NEGR1: variants seen among roughly 807,000 people sequenced by gnomAD.
The protein encoded by NEGR1 is IgLON family member 4.
Under a neutral mutation model 40.9 loss-of-function variants are expected in NEGR1, and 10 were observed. The observed-to-expected ratio is 0.24, with a 90% CI of 0.15 to 0.42. NEGR1 has a LOEUF of 0.42. Ranked by LOEUF, NEGR1 falls within the 10% of genes least tolerant of loss-of-function variation. NEGR1 has a pLI of 1.00. For missense variants in NEGR1, 352 were observed against 438.9 expected, an observed-to-expected ratio of 0.80 and a Z score of 1.77; for synonymous variants, 185 against 166.8, an observed-to-expected ratio of 1.11 and a Z score of -0.84.
chr1:71,896,701 T>A (rs2101857309), intron 2 of NEGR1, among the ~76,000 whole-genome samples: 1 of 152,282 alleles, frequency 6.6e-6, no homozygotes. Context: ...TTTTTGATCA[T>A]TTTGAGTTAA....
At chr1:71,872,039 C>A (rs919037569) in intron 2 of NEGR1, among the ~76,000 whole-genome samples, 1 of 152,012 alleles carries the variant, frequency 6.6e-6, no homozygotes, top group Non-Finnish European at 1.5e-5. Flanking sequence ...AGTACTCTGG[C>A]CAGCTAAATA....
intron 4 of NEGR1, among the ~76,000 whole-genome samples, chr1:71,661,178 T>C (rs1181069213): frequency 6.6e-6 from 1 of 152,232 alleles, no homozygotes; most frequent in African/African-American, 2.4e-5. Flanking sequence ...CATGTGTCTT[T>C]ATAGTAGAAT....
intron 1 of NEGR1, among the ~76,000 whole-genome samples, chr1:72,243,944 T>G (rs1455071328): frequency 6.6e-6 from 1 of 151,814 alleles, no homozygotes; most frequent in Non-Finnish European, 1.5e-5. Flanking sequence ...ATTATTTTTG[T>G]TTTAGGTTAA....
At chr1:72,220,111 TCA>T (rs1653961443) in intron 1 of NEGR1, among the ~76,000 whole-genome samples, 2 of 151,982 alleles carry the variant, frequency 1.3e-5, no homozygotes, top group South Asian at 4.1e-4. Context: ...ACTAATAAAC[TCA>T]CATTATTTTA....
intron 6 of NEGR1, among the ~76,000 whole-genome samples, chr1:71,587,460 A>G (rs1172202758): frequency 7.2e-5 from 2 of 27,770 alleles, no homozygotes; most frequent in African/African-American, 9.0e-5. Flanking sequence ...CTCTGATATG[A>G]AAGGAGACAT....
chr1:71,662,718 G>A (rs1484924431), intron 4 of NEGR1, among the ~76,000 whole-genome samples: 1 of 151,034 alleles, frequency 6.6e-6, no homozygotes, highest in Non-Finnish European at 1.5e-5. Context: ...AAATAGAAAT[G>A]GAAATACACA....
At position 72,282,397 on chromosome 1, in the gene NEGR1, G is replaced by A; in HGVS notation, c.98C>T (p.Pro33Leu). The change falls in exon 1 of 7, where the codon CCG becomes CTG. Residue 33 changes from proline to leucine, a missense_variant. Physicochemically the swap from Pro to Leu is moderately conservative, Grantham distance 98 (BLOSUM62 -3). Transcript: ENST00000357731. The part of the protein sequence containing the change: ...SLCCLLPSCL[P>L]AGQSVDFPWA... ...GGGGAAGTCCACACTCTGTCCAGCCGGGAGGCAGGAGGGTAGCAGGCAGCA... is the reference window on the plus strand; with the variant it reads ...GGGGAAGTCCACACTCTGTCCAGCCAGGAGGCAGGAGGGTAGCAGGCAGCA... The A allele has an allele frequency of 6.2e-6, 10 of 1,613,910 alleles. No homozygotes were observed. Among genetic ancestry groups the A allele is most frequent in the Non-Finnish European group, 8.5e-6 (10 of 1,179,968 alleles).
At chr1:72,017,576 C>T (rs1228974122) in intron 1 of NEGR1, among the ~76,000 whole-genome samples, 1 of 151,982 alleles carries the variant, frequency 6.6e-6, no homozygotes, top group Non-Finnish European at 1.5e-5. Flanking sequence ...CCAGGATATC[C>T]CAGAGCTATC....
intron 1 of NEGR1, among the ~76,000 whole-genome samples, chr1:72,177,412 C>G (rs1652214157): frequency 6.6e-6 from 1 of 151,970 alleles, no homozygotes; most frequent in Admixed American, 6.6e-5. Flanking sequence ...CACAGTTTAA[C>G]CATTTTCCTA....
intron 6 of NEGR1, among the ~76,000 whole-genome samples, chr1:71,455,821 T>A (rs1569894153): frequency 6.6e-6 from 1 of 152,244 alleles, no homozygotes; most frequent in African/African-American, 2.4e-5. Flanking sequence ...GATTTATCAC[T>A]GTCTAATTAT....
Position 72,077,626 on chromosome 1 carries a change from C to CAATAAATA in NEGR1, c.177-142323_177-142316dup, listed in dbSNP as rs3080202. 4.5e-3 allele frequency among the ~76,000 whole-genome samples: 664 copies of CAATAAATA among 146,928 alleles called. 3 individuals carry two copies. Among genetic ancestry groups the CAATAAATA allele is most frequent in the East Asian group, 0.032 (155 of 4,842 alleles). The stretch of plus-strand genomic sequence containing the variant: ...GCAACACACTGAAACTCTGTCTCTA[C>CAATAAATA]AATAAATAAATAAATAAATAAATAA... On this transcript the variant is annotated intron_variant, in intron 1 of 6. Transcript: ENST00000357731.
chr1:71,555,893 C>T (rs747573322), intron 6 of NEGR1, among the ~76,000 whole-genome samples: 1 of 151,562 alleles, frequency 6.6e-6, no homozygotes, highest in South Asian at 2.1e-4. Context: ...GGAAGACGTA[C>T]TTGAGAATTT....
At chr1:72,190,321 T>A (rs1652775006) in intron 1 of NEGR1, among the ~76,000 whole-genome samples, 1 of 151,748 alleles carries the variant, frequency 6.6e-6, no homozygotes, top group Non-Finnish European at 1.5e-5. Context: ...TATGTTTACT[T>A]CTATAGAAAA....
Position 71,812,462 on chromosome 1 carries a change from G to C in NEGR1, c.410-36165C>G, listed in dbSNP as rs770993649. Among the ~76,000 whole-genome samples, 6 of 152,130 alleles carry C rather than the reference G, an allele frequency of 3.9e-5. No homozygotes were observed. The South Asian group carries it at 8.3e-4, about 21-fold the overall frequency. On this transcript the variant is annotated intron_variant, in intron 2 of 6. Coordinates refer to ENST00000357731, the MANE Select transcript of NEGR1 (RefSeq NM_173808.3). ...GGTATTTCTGGTTCTAGGTCTTTGA[G>C]AAATTGCCACACTGTCTTCCACAAT...
intron 5 of NEGR1, among the ~76,000 whole-genome samples, chr1:71,600,204 C>T (rs1323031451): frequency 6.6e-6 from 1 of 152,140 alleles, no homozygotes; most frequent in Non-Finnish European, 1.5e-5. Context: ...ATAAGAATGG[C>T]TCTACTTTAT....
chr1:71,975,683 C>A (rs1178622079), intron 1 of NEGR1, among the ~76,000 whole-genome samples: 1 of 152,210 alleles, frequency 6.6e-6, no homozygotes, highest in African/African-American at 2.4e-5. Context: ...ATCCCATACC[C>A]TCTTCACTGT....
At chr1:71,417,124 C>T (rs1376322079) in intron 6 of NEGR1, among the ~76,000 whole-genome samples, 1 of 152,202 alleles carries the variant, frequency 6.6e-6, no homozygotes, top group Non-Finnish European at 1.5e-5. Context: ...GCCAAGTCCT[C>T]TTTTCTCCTA....
At chr1:71,478,313 T>C (rs909429876) in intron 6 of NEGR1, among the ~76,000 whole-genome samples, 1 of 152,060 alleles carries the variant, frequency 6.6e-6, no homozygotes, top group Non-Finnish European at 1.5e-5. Context: ...ATCCTTGGCA[T>C]GAAATTTAAG....
intron 2 of NEGR1, among the ~76,000 whole-genome samples, chr1:71,837,581 C>T (rs1022979155): frequency 3.3e-5 from 5 of 152,018 alleles, no homozygotes; most frequent in African/African-American, 1.2e-4. Context: ...ACATTCTCTG[C>T]ATCACTCTTT....
Sources: allele counts gnomAD v4.1 joint callset (sites outside exome capture counted in the v4.1 genomes callset), GRCh38; gene constraint gnomAD v4.1.1; transcripts MANE v1.5; gene names NCBI Gene and HGNC (gene_info 2026-07-23, HGNC 2026-07-21).